The following RAPGEF5 variants were observed in gnomAD, a reference collection of about 807,000 sequenced individuals.
RAPGEF5 encodes M-Ras-regulated GEF.
RAPGEF5 carries 65 observed loss-of-function variants against 125.2 expected under a neutral mutation model. That is an observed-to-expected ratio of 0.52 (90% CI 0.43 to 0.64). The LOEUF is 0.64. Among genes scored for constraint, RAPGEF5 ranks in the 30% least tolerant of loss-of-function variants. RAPGEF5 has a pLI of 0.00. For synonymous variants in RAPGEF5, 391 were observed against 385.9 expected (o/e 1.01, Z -0.16); for missense variants, 958 against 1,048.1 (o/e 0.91, Z 1.19).
At chr7:22,287,720 C>T (rs78741252) in intron 6 of RAPGEF5, among the ~76,000 whole-genome samples, 6,654 of 152,232 alleles carry the variant, frequency 0.044, 168 homozygotes, top group South Asian at 0.079. Context: ...CACACTATCA[C>T]CTAGATAACA....
intron 8 of RAPGEF5, among the ~76,000 whole-genome samples, chr7:22,224,420 A>T (rs13234410): frequency 5.8e-4 from 89 of 152,334 alleles, no homozygotes; most frequent in Middle Eastern, 3.4e-3. Flanking sequence ...ATTATCTAGA[A>T]AATTCATGTA....
In RAPGEF5 at chr7:22,145,147, T is replaced by A; in HGVS notation, c.2083A>T (p.Arg695Ter). ...HTANLSLLLQ[R>*]CNEVQLWVAT... Reference sequence around the variant, plus strand: ...ACCCAAAGCTGGACCTCATTGCATCTCTGGAGCAGAAGGCTGAGATTTGCA... The same window carrying A: ...ACCCAAAGCTGGACCTCATTGCATCACTGGAGCAGAAGGCTGAGATTTGCA... Residue 695 changes from arginine to a stop codon, truncating the protein, a stop_gained, in exon 20 of 26, where the codon AGA becomes TGA. Coordinates refer to ENST00000665637, the MANE Select transcript of RAPGEF5 (RefSeq NM_012294.5). LOFTEE classifies it high-confidence loss of function. 1 of 1,613,770 alleles carries A rather than the reference T, an allele frequency of 6.2e-7. No homozygotes were observed. The highest frequency in any genetic ancestry group is 8.5e-7 in the Non-Finnish European group (1 of 1,179,800).
intron 24 of RAPGEF5, among the ~76,000 whole-genome samples, chr7:22,127,154 T>C (rs1276596481): frequency 6.6e-6 from 1 of 150,732 alleles, no homozygotes; most frequent in Non-Finnish European, 1.5e-5. Flanking sequence ...TTCTCCTGCC[T>C]CAGCCTCCTG....
rs533083219 is a variant in RAPGEF5, at chr7:22,273,510, G to A, written c.748-6498C>T. ...TGGGATTACAGGCGTGAGCCACCGCGCCCGGCCAGGGGTATTTTTAAATCA... is the reference window on the plus strand; with the variant it reads ...TGGGATTACAGGCGTGAGCCACCGCACCCGGCCAGGGGTATTTTTAAATCA... On this transcript the variant is annotated intron_variant, in intron 6 of 25. Transcript: ENST00000665637. Among the ~76,000 whole-genome samples the A allele has an allele frequency of 2.7e-4, 41 of 152,306 alleles. No individual in the cohort carries two copies. The South Asian group carries it at 8.1e-3, about 30-fold the overall frequency.
chr7:22,267,033 A>G (rs778448339), intron 6 of RAPGEF5, 21 bp from the exon 7 acceptor site: 252 of 1,564,088 alleles, frequency 1.6e-4, no homozygotes, highest in Non-Finnish European at 2.1e-4. Flanking sequence ...ATTAGGGGGG[A>G]AAATCAAATT....
At chr7:22,256,799 G>T (rs1234430592) in intron 7 of RAPGEF5, among the ~76,000 whole-genome samples, 1 of 152,174 alleles carries the variant, frequency 6.6e-6, no homozygotes, top group African/African-American at 2.4e-5. Flanking sequence ...AACATTAGCA[G>T]GAGAATAAGC....
At chr7:22,135,061 G>T (rs899547362) in intron 23 of RAPGEF5, among the ~76,000 whole-genome samples, 1 of 152,174 alleles carries the variant, frequency 6.6e-6, no homozygotes, top group African/African-American at 2.4e-5. Context: ...AAGCTGAAGA[G>T]AAAATGCCAG....
intron 9 of RAPGEF5, among the ~76,000 whole-genome samples, chr7:22,212,190 G>A (rs1276180609): frequency 3.9e-5 from 6 of 152,038 alleles, no homozygotes; most frequent in Non-Finnish European, 8.8e-5. Flanking sequence ...AGCCAGGATG[G>A]TCTTAATCTC....
At chr7:22,284,689 C>A (rs1233024419) in intron 6 of RAPGEF5, among the ~76,000 whole-genome samples, 1 of 152,100 alleles carries the variant, frequency 6.6e-6, no homozygotes, top group Admixed American at 6.5e-5. Flanking sequence ...TTGTCATTCA[C>A]TGGGGGTGTA....
At chr7:22,211,961 C>T (rs1387473931) in intron 9 of RAPGEF5, among the ~76,000 whole-genome samples, 2 of 100,942 alleles carry the variant, frequency 2.0e-5, no homozygotes, top group Non-Finnish European at 1.9e-5. Context: ...CACATGTGTT[C>T]TCTTTTTTTT....
chr7:22,300,188 A>C (rs919229729), intron 5 of RAPGEF5, among the ~76,000 whole-genome samples: 3 of 152,182 alleles, frequency 2.0e-5, no homozygotes, highest in Non-Finnish European at 4.4e-5. Flanking sequence ...TGCACACTGG[A>C]TAATTTATAA....
chr7:22,298,864 C>T, intron 5 of RAPGEF5, among the ~76,000 whole-genome samples: 1 of 152,118 alleles, frequency 6.6e-6, no homozygotes, highest in Non-Finnish European at 1.5e-5. Flanking sequence ...TGTGTCCATT[C>T]CACCTAAGTT....
At chr7:22,248,955 T>C (rs1786549552) in intron 7 of RAPGEF5, among the ~76,000 whole-genome samples, 1 of 152,146 alleles carries the variant, frequency 6.6e-6, no homozygotes, top group Non-Finnish European at 1.5e-5. Context: ...CAACCTCAAC[T>C]GAAATTTCTC....
rs1409331283 is a variant in RAPGEF5 at position 22,136,121 on chromosome 7, G to C, written c.2333C>G (p.Pro778Arg). ...LFSELESLTD[P>R]SLNHKAYRDA... ...TCTGTAGGCTTTGTGATTTAGGGAA[G>C]GATCCTGCCGAACCAAGCAGATTAC... is the stretch of plus-strand genomic sequence containing the variant. The change falls in exon 23 of 26, where the codon CCT becomes CGT. Residue 778 changes from proline (P) to arginine (R), a missense_variant. By Grantham distance (103) the Pro-to-Arg change is moderately radical. Coordinates refer to ENST00000665637, the MANE Select transcript of RAPGEF5 (RefSeq NM_012294.5). The C allele has an allele frequency of 3.7e-6, 6 of 1,606,144 alleles. No homozygotes were observed. The highest frequency in any genetic ancestry group is 1.3e-5 in the African/African-American group (1 of 74,544).
intron 8 of RAPGEF5, among the ~76,000 whole-genome samples, chr7:22,222,831 C>T (rs988106292): frequency 6.6e-6 from 1 of 152,164 alleles, no homozygotes; most frequent in Non-Finnish European, 1.5e-5. Context: ...TCACATAAGA[C>T]ATGGCTTGGA....
At chr7:22,322,875 C>T (rs1392805347) in intron 1 of RAPGEF5, among the ~76,000 whole-genome samples, 3 of 152,226 alleles carry the variant, frequency 2.0e-5, no homozygotes, top group African/African-American at 7.2e-5. Flanking sequence ...TTCAGGAGAA[C>T]TGTAAAAATA....
chr7:22,189,393 T>G (rs898290519), intron 11 of RAPGEF5, among the ~76,000 whole-genome samples: 1 of 152,082 alleles, frequency 6.6e-6, no homozygotes, highest in Non-Finnish European at 1.5e-5. Context: ...ACACACTTTA[T>G]CCTCTCTAGG....
In RAPGEF5 at chr7:22,318,034, G is replaced by C. The variant is rs918756941; in HGVS notation, c.235C>G (p.Leu79Val). ...TACGGATTAGATATTCTTCTTGATAGAGTCTATTTTAAACAAAGAAAAAAA... is the reference window on the plus strand; with the variant it reads ...TACGGATTAGATATTCTTCTTGATACAGTCTATTTTAAACAAAGAAAAAAA... ...RKRSAAGGRTLSRRISNPYLE... is the reference protein window; with the variant it reads ...RKRSAAGGRTVSRRISNPYLE... The change falls in exon 2 of 26, where the codon CTA (leucine) becomes GTA (valine). Residue 79 changes from leucine to valine, a missense_variant. Physicochemically the swap from Leu to Val is conservative, Grantham distance 32 (BLOSUM62 1). Transcript: ENST00000665637. 50 of 1,532,438 alleles carry C rather than the reference G, an allele frequency of 3.3e-5. No individual in the cohort carries two copies. The highest frequency in any genetic ancestry group is 4.2e-5 in the African/African-American group (3 of 71,238). The allele number at this position is 1,532,438 out of a possible 1,614,324, so 94.9% of individuals were successfully genotyped here.
chr7:22,240,334 TC>T (rs1437312327), intron 7 of RAPGEF5, among the ~76,000 whole-genome samples: 1 of 150,632 alleles, frequency 6.6e-6, no homozygotes, highest in Non-Finnish European at 1.5e-5. Context: ...TTTTTTTTTT[TC>T]AATATTTTTC....
Sources: gnomAD v4.1 joint callset for allele counts (sites outside exome capture counted in the v4.1 genomes callset) on GRCh38, gnomAD v4.1.1 for gene constraint, MANE v1.5 for transcripts, NCBI Gene and HGNC (gene_info 2026-07-23, HGNC 2026-07-21) for gene names.